Variants in CDH7 observed in about 807,000 individuals in gnomAD.
CDH7 encodes the protein cadherin 7.
Under a neutral mutation model 71.8 loss-of-function variants are expected in CDH7, and 25 were observed. That is an observed-to-expected ratio of 0.35 (90% CI 0.25 to 0.49). CDH7 has a LOEUF of 0.49. Among genes scored for constraint, CDH7 ranks in the 20% least tolerant of loss-of-function variants. CDH7 has a pLI of 0.99. For synonymous variants in CDH7, 381 were observed against 363.8 expected, an observed-to-expected ratio of 1.05 and a Z score of -0.54; for missense variants, 862 against 974.6, an observed-to-expected ratio of 0.88 and a Z score of 1.54.
Position 65,889,172 on chromosome 18 carries a change from G to A in CDH7, c.*8278G>A, listed in dbSNP as rs1914446682. Reference sequence around the variant, plus strand: ...AAAAACACGGCAGACCAGATTTTCTGAGGGTTACCCGCTATGCAGATTCAT... The same window carrying A: ...AAAAACACGGCAGACCAGATTTTCTAAGGGTTACCCGCTATGCAGATTCAT... On this transcript the variant is annotated 3_prime_UTR_variant, in exon 12 of 12. Transcript: ENST00000397968. 6.6e-6 allele frequency: 1 copy of A among 152,152 alleles called. No homozygotes were observed. Among genetic ancestry groups the A allele is most frequent in the Non-Finnish European group, 1.5e-5 (1 of 68,044 alleles). 9.4% of individuals were successfully genotyped at this position (152,152 alleles called of 1,614,324 possible). A position where few individuals can be genotyped will look rare whatever the true frequency, so the allele number is the denominator to read the frequency against.
intron 6 of CDH7, among the ~76,000 whole-genome samples, chr18:65,827,346 C>T (rs1441860976): frequency 6.6e-6 from 1 of 151,760 alleles, no homozygotes; most frequent in Non-Finnish European, 1.5e-5. Flanking sequence ...TGAAAAATTT[C>T]ATAATATTAC....
rs1281985852 is a variant in CDH7, at chr18:65,886,976, A to G, written c.*6082A>G. On this transcript the variant is annotated 3_prime_UTR_variant, in exon 12 of 12. Coordinates refer to ENST00000397968, the MANE Select transcript of CDH7 (RefSeq NM_004361.5). Reference sequence around the variant, plus strand: ...AACTTTAGCTCTTAGTTATCTGGTTATTTTATGCTCATGTGAACAGACACT... The same window carrying G: ...AACTTTAGCTCTTAGTTATCTGGTTGTTTTATGCTCATGTGAACAGACACT... The G allele has an allele frequency of 1.3e-5, 2 of 152,174 alleles. No homozygotes were observed. The highest frequency in any genetic ancestry group is 4.8e-5 in the African/African-American group (2 of 41,430). The allele number at this position is 152,174 out of a possible 1,614,324, so 9.4% of individuals were successfully genotyped here. A position where few individuals can be genotyped will look rare whatever the true frequency, so the allele number is the denominator to read the frequency against.
chr18:65,821,634 A>G (rs1311766327), intron 4 of CDH7, among the ~76,000 whole-genome samples: 2 of 152,188 alleles, frequency 1.3e-5, no homozygotes, highest in African/African-American at 4.8e-5. Flanking sequence ...GATTTAAACA[A>G]AAATATTGTT....
intron 2 of CDH7, among the ~76,000 whole-genome samples, chr18:65,782,560 C>G (rs1012748757): frequency 3.9e-5 from 6 of 152,054 alleles, no homozygotes; most frequent in African/African-American, 1.2e-4. Context: ...ACAGTTGACT[C>G]TCATCTATGA....
chr18:65,862,542 A>C (rs1263420913), intron 10 of CDH7, 124 bp from the exon 11 acceptor site: 7 of 932,836 alleles, frequency 7.5e-6, no homozygotes, highest in Non-Finnish European at 1.1e-5. Context: ...TTGTTGAAAT[A>C]AATCTGCAAC....
chr18:65,873,058 A>G (rs890470653), intron 11 of CDH7, among the ~76,000 whole-genome samples: 3 of 152,180 alleles, frequency 2.0e-5, no homozygotes, highest in Admixed American at 6.5e-5. Context: ...ATGTAAATCA[A>G]CAGGATCAAT....
At chr18:65,796,455 T>A (rs1286302368) in intron 2 of CDH7, among the ~76,000 whole-genome samples, 1 of 152,180 alleles carries the variant, frequency 6.6e-6, no homozygotes, top group Non-Finnish European at 1.5e-5. Flanking sequence ...GAACTCAGTC[T>A]CCCATGCCTT....
chr18:65,754,631 A>G (rs1243450787), intron 1 of CDH7, among the ~76,000 whole-genome samples: 1 of 152,172 alleles, frequency 6.6e-6, no homozygotes, highest in Non-Finnish European at 1.5e-5. Context: ...GTTTAGGATG[A>G]TTATAATGCG....
chr18:65,861,339 T>TGTG (rs1568226061), intron 10 of CDH7, among the ~76,000 whole-genome samples: 793 of 21,502 alleles, frequency 0.037, 6 homozygotes, highest in African/African-American at 0.086. Flanking sequence ...GTGTGTGTGT[T>TGTG]TGTGTGTGTG....
chr18:65,770,486 G>A (rs895866788), intron 2 of CDH7, among the ~76,000 whole-genome samples: 1 of 152,148 alleles, frequency 6.6e-6, no homozygotes, highest in African/African-American at 2.4e-5. Context: ...TGTATTTACA[G>A]GGTTGAAATC....
intron 6 of CDH7, among the ~76,000 whole-genome samples, chr18:65,830,915 C>A (rs555512436): frequency 1.4e-4 from 22 of 151,932 alleles, no homozygotes; most frequent in Admixed American, 1.4e-3. Context: ...TTTATGTCCC[C>A]CACACCTAGC....
At chr18:65,762,059 C>G (rs1916206251) in intron 1 of CDH7, among the ~76,000 whole-genome samples, 1 of 152,206 alleles carries the variant, frequency 6.6e-6, no homozygotes, top group Admixed American at 6.5e-5. Flanking sequence ...ATGGAAACTA[C>G]TGAGCTTTTC....
chr18:65,777,380 T>C (rs1951848669), intron 2 of CDH7, among the ~76,000 whole-genome samples: 2 of 152,092 alleles, frequency 1.3e-5, no homozygotes, highest in African/African-American at 4.8e-5. Flanking sequence ...AAAATGCATG[T>C]TAAACGTACC....
At chr18:65,880,150 T>A (rs1028085288) in intron 11 of CDH7, among the ~76,000 whole-genome samples, 1 of 152,204 alleles carries the variant, frequency 6.6e-6, no homozygotes, top group Non-Finnish European at 1.5e-5. Context: ...GAGGTTACGT[T>A]AAAGAGGAAG....
intron 11 of CDH7, among the ~76,000 whole-genome samples, chr18:65,871,269 G>A (rs1913918615): frequency 6.6e-6 from 1 of 152,158 alleles, no homozygotes; most frequent in Non-Finnish European, 1.5e-5. Flanking sequence ...ACTGTGGGTA[G>A]CACTACTTAA....
chr18:65,806,189 C>T (rs1258493185), intron 2 of CDH7, among the ~76,000 whole-genome samples: 1 of 151,948 alleles, frequency 6.6e-6, no homozygotes, highest in Non-Finnish European at 1.5e-5. Flanking sequence ...CATAATGACA[C>T]AGGATTTACA....
chr18:65,838,429 C>G (rs1412690091), intron 6 of CDH7, among the ~76,000 whole-genome samples: 2 of 152,166 alleles, frequency 1.3e-5, no homozygotes, highest in Non-Finnish European at 2.9e-5. Flanking sequence ...TTAATGAAGA[C>G]AGTCATAGAA....
At chr18:65,840,691 T>C (rs1379884331) in intron 6 of CDH7, among the ~76,000 whole-genome samples, 1 of 152,112 alleles carries the variant, frequency 6.6e-6, no homozygotes, top group Non-Finnish European at 1.5e-5. Flanking sequence ...GCCTTTCACC[T>C]TCTGTCATGG....
chr18:65,757,786 T>TAC (rs916023122), intron 1 of CDH7, among the ~76,000 whole-genome samples: 7 of 140,840 alleles, frequency 5.0e-5, no homozygotes, highest in African/African-American at 2.1e-4. Context: ...TCCATATATA[T>TAC]ATATATTTTT....
Sources: gnomAD v4.1 joint callset for allele counts (sites outside exome capture counted in the v4.1 genomes callset) on GRCh38, gnomAD v4.1.1 for gene constraint, MANE v1.5 for transcripts, NCBI Gene and HGNC (gene_info 2026-07-23, HGNC 2026-07-21) for gene names.